Variants in SIPA1L3 observed in about 807,000 individuals in gnomAD.
The protein encoded by SIPA1L3 is signal-induced proliferation-associated 1-like protein 3.
In SIPA1L3, 59 loss-of-function variants were observed where a neutral mutation model predicts 150.1. The ratio of observed to expected loss-of-function variants is 0.39; its 90% CI spans 0.32 to 0.49. The LOEUF (loss-of-function observed/expected upper bound fraction) is 0.49, where lower values mean the gene tolerates loss of function less well. Ranked by LOEUF, SIPA1L3 falls within the 20% of genes least tolerant of loss-of-function variation. The pLI is 0.86. For missense variants in SIPA1L3, 2,211 were observed against 2,489.5 expected (o/e 0.89, Z 2.38); for synonymous variants, 1,070 against 1,077.6 (o/e 0.99, Z 0.14).
intron 2 of SIPA1L3, among the ~76,000 whole-genome samples, chr19:38,036,647 C>G (rs1207050627): frequency 6.6e-6 from 1 of 152,222 alleles, no homozygotes; most frequent in Non-Finnish European, 1.5e-5. Flanking sequence ...TAGCTGCCTT[C>G]ATTCATTCAC....
At position 38,101,106 on chromosome 19, in the gene SIPA1L3, G is replaced by A. The variant is rs1249083501; in HGVS notation, c.1909G>A (p.Glu637Lys). 3 of 1,607,602 alleles carry A rather than the reference G, an allele frequency of 1.9e-6. No homozygotes were observed. The highest frequency in any genetic ancestry group is 1.3e-5 in the African/African-American group (1 of 74,676). ...CTATTGCAAGGCCGGCCAGAGCTCC[G>A]AGGAGGAGATGTACAACAATGAGGA... Reference protein sequence around the residue: ...ILYCKAGQSSEEEMYNNEEAG... With the variant: ...ILYCKAGQSSKEEMYNNEEAG... Residue 637 changes from glutamate (E) to lysine (K), a missense_variant, in exon 6 of 22, where the codon GAG (glutamate) becomes AAG (lysine). By Grantham distance (56) the Glu-to-Lys change is moderately conservative. Transcript: ENST00000222345.
intron 1 of SIPA1L3, among the ~76,000 whole-genome samples, chr19:37,935,277 A>C (rs371167361): frequency 3.3e-5 from 5 of 152,214 alleles, no homozygotes; most frequent in African/African-American, 1.2e-4. Context: ...TAAGAGTGAA[A>C]GGACAGTTCA....
intron 1 of SIPA1L3, chr19:37,907,791 A>T (rs999541064): frequency 1.3e-5 from 2 of 152,240 alleles, no homozygotes; most frequent in African/African-American, 4.8e-5. Flanking sequence ...TGAGGTGAAG[A>T]TGTTATCGAT....
chr19:37,924,922 A>AC (rs1327093677), intron 1 of SIPA1L3, among the ~76,000 whole-genome samples: 1 of 148,140 alleles, frequency 6.8e-6, no homozygotes, highest in African/African-American at 2.5e-5. Flanking sequence ...CGTGGCGTGC[A>AC]CCTGTAATCT....
At position 37,954,681 on chromosome 19, in the gene SIPA1L3, C is replaced by T. The variant is rs117966765; in HGVS notation, c.-379+47323C>T. On this transcript the variant is annotated intron_variant, in intron 1 of 21. Coordinates refer to ENST00000222345, the MANE Select transcript of SIPA1L3 (RefSeq NM_015073.3). ...AAGCCTCTCGGCTTTAAGAACCAGG[C>T]GGTTTCATATGGAGTGGGAAGTCCA... 7.1e-3 allele frequency among the ~76,000 whole-genome samples: 1,080 copies of T among 152,170 alleles called. 36 individuals are homozygous for T. The highest frequency in any genetic ancestry group is 0.066 in the East Asian group (339 of 5,172).
At chr19:37,999,829 C>T (rs889774494) in intron 1 of SIPA1L3, among the ~76,000 whole-genome samples, 3 of 152,158 alleles carry the variant, frequency 2.0e-5, no homozygotes, top group African/African-American at 7.2e-5. Flanking sequence ...GATAGGGACA[C>T]TGGGAACCTA....
In SIPA1L3 at chr19:38,142,619, G is replaced by T; in HGVS notation, c.3442G>T (p.Ala1148Ser). Reference sequence around the variant, plus strand: ...CCCTTACACAGTATCACCAGCAGGGGCCGACAGAGTCCCTCCCTACCGACA... The same window carrying T: ...CCCTTACACAGTATCACCAGCAGGGTCCGACAGAGTCCCTCCCTACCGACA... ...ETPYTVSPAG[A>S]DRVPPYRQPS... Residue 1148 changes from alanine (A) to serine (S), a missense_variant, in exon 12 of 22, where the codon GCC (alanine) becomes TCC (serine). Ala to Ser is a moderately conservative substitution (Grantham distance 99, BLOSUM62 1). Transcript: ENST00000222345. The T allele has an allele frequency of 6.2e-7, 1 of 1,613,938 alleles. No homozygotes were observed. Among genetic ancestry groups the T allele is most frequent in the Non-Finnish European group, 8.5e-7 (1 of 1,179,904 alleles).
intron 15 of SIPA1L3, among the ~76,000 whole-genome samples, chr19:38,171,677 G>A (rs1972331281): frequency 6.6e-6 from 1 of 152,070 alleles, no homozygotes. Context: ...ACAGGCATGA[G>A]CCACCATGCC....
chr19:37,949,281 C>G (rs1400756945), intron 1 of SIPA1L3, among the ~76,000 whole-genome samples: 1 of 152,306 alleles, frequency 6.6e-6, no homozygotes, highest in East Asian at 1.9e-4. Context: ...GTCGCAACCA[C>G]AGATGGTCAC....
At chr19:37,977,833 G>T (rs926481905) in intron 1 of SIPA1L3, among the ~76,000 whole-genome samples, 2 of 152,184 alleles carry the variant, frequency 1.3e-5, no homozygotes, top group African/African-American at 2.4e-5. Context: ...AGGTCCTGTA[G>T]TCCAGAAATT....
chr19:37,929,511 T>C (rs1210006426), intron 1 of SIPA1L3, among the ~76,000 whole-genome samples: 2 of 152,306 alleles, frequency 1.3e-5, no homozygotes, highest in East Asian at 1.9e-4. Flanking sequence ...CTGAATCTTG[T>C]TGGAATACCA....
intron 13 of SIPA1L3, among the ~76,000 whole-genome samples, chr19:38,156,638 A>G (rs542135301): frequency 5.3e-4 from 80 of 151,852 alleles, no homozygotes; most frequent in African/African-American, 1.9e-3. Context: ...CAGCCTGACC[A>G]ACATGATGAA....
At chr19:38,189,884 T>C (rs374148401) in intron 16 of SIPA1L3, among the ~76,000 whole-genome samples, 21 of 152,304 alleles carry the variant, frequency 1.4e-4, no homozygotes, top group African/African-American at 5.1e-4. Context: ...GGTTTCGCGC[T>C]ATACATGCTG....
At chr19:38,124,995 A>AGAGAGGGAGAGGGAGACTGTGGGGAGAGG (rs1971139119) in intron 9 of SIPA1L3, among the ~76,000 whole-genome samples, 3 of 103,078 alleles carry the variant, frequency 2.9e-5, no homozygotes, top group African/African-American at 4.9e-5. Flanking sequence ...GACTGTGGAA[A>AGAGAGGGAGAGGGAGACTGTGGGGAGAGG]GAGAGGGAGA....
intron 8 of SIPA1L3, among the ~76,000 whole-genome samples, chr19:38,114,905 G>A (rs891536053): frequency 3.9e-5 from 6 of 152,190 alleles, no homozygotes; most frequent in Non-Finnish European, 8.8e-5. Flanking sequence ...CTGTCCTCCC[G>A]TCCATTCTTC....
chr19:38,028,757 A>G (rs142039765), intron 1 of SIPA1L3, among the ~76,000 whole-genome samples: 1 of 151,158 alleles, frequency 6.6e-6, no homozygotes, highest in African/African-American at 2.4e-5. Context: ...CAGTGGCACA[A>G]TCTTGGCTCA....
chr19:38,078,049 G>A (rs1477247361), intron 2 of SIPA1L3, among the ~76,000 whole-genome samples: 1 of 152,154 alleles, frequency 6.6e-6, no homozygotes, highest in Non-Finnish European at 1.5e-5. Flanking sequence ...CAGATGATCT[G>A]ACATCCATAC....
At chr19:38,037,250 G>A (rs958211105) in intron 2 of SIPA1L3, among the ~76,000 whole-genome samples, 2 of 151,314 alleles carry the variant, frequency 1.3e-5, no homozygotes, top group East Asian at 1.9e-4. Flanking sequence ...CTGAGAGCCC[G>A]GACATGTCTT....
rs188765401 is a variant in SIPA1L3, at chr19:38,082,878, G to C, written c.1313G>C (p.Cys438Ser). 19 of 1,613,560 alleles carry C rather than the reference G, an allele frequency of 1.2e-5. No individual in the cohort carries two copies. The East Asian group carries it at 4.2e-4, about 36-fold the overall frequency. ...PHFRNEIGGE[C>S]ERNVSFSRAS... ...TTCCGCAATGAGATCGGGGGCGAGT[G>C]TGAGCGCAACGTGAGCTTCTCCCGG... The change falls in exon 3 of 22, where the codon TGT (cysteine) becomes TCT (serine). Residue 438 changes from cysteine to serine, a missense_variant. By Grantham distance (112) the Cys-to-Ser change is moderately radical. This residue lies in a region of SIPA1L3 where 587 missense variants were observed against 534.5 expected (regional missense o/e 1.10). Coordinates refer to ENST00000222345, the MANE Select transcript of SIPA1L3 (RefSeq NM_015073.3).
Sources: gnomAD v4.1 joint callset for allele counts (sites outside exome capture counted in the v4.1 genomes callset) on GRCh38, gnomAD v4.1.1 for gene constraint, gnomAD v4.1.1 regional missense constraint, MANE v1.5 for transcripts, NCBI Gene and HGNC (gene_info 2026-07-23, HGNC 2026-07-21) for gene names.